The following MBD3 variants were observed in gnomAD, a reference collection of about 807,000 sequenced individuals.
MBD3 encodes the protein methyl-CpG-binding domain protein 3.
In MBD3, 13 loss-of-function variants were observed where a neutral mutation model predicts 31.2. The ratio of observed to expected loss-of-function variants is 0.42; its 90% CI spans 0.27 to 0.66. The LOEUF (loss-of-function observed/expected upper bound fraction) is 0.66, where lower values mean the gene tolerates loss of function less well. Among genes scored for constraint, MBD3 ranks in the 30% least tolerant of loss-of-function variants. The pLI is 0.26. For missense variants in MBD3, 440 were observed against 426.5 expected (o/e 1.03, Z -0.28); for synonymous variants, 223 against 187.4 (o/e 1.19, Z -1.55).
At chr19:1,581,957 C>T (rs1271659136) in intron 4 of MBD3, among the ~76,000 whole-genome samples, 4 of 152,054 alleles carry the variant, frequency 2.6e-5, no homozygotes, top group Non-Finnish European at 5.9e-5. Flanking sequence ...TTAGTAGAGA[C>T]AGGGTTTCAC....
chr19:1,578,377 T>C lies in MBD3; in HGVS notation c.839A>G (p.Glu280Gly). The change falls in exon 6 of 7, where the codon GAG (glutamate) becomes GGG (glycine). Residue 280 changes from glutamate to glycine, a missense_variant. Physicochemically the swap from Glu to Gly is moderately conservative, Grantham distance 98. This residue lies in a region of MBD3 where 117 missense variants were observed against 95.0 expected (regional missense o/e 1.23). Coordinates refer to ENST00000434436, the MANE Select transcript of MBD3 (RefSeq NM_001281453.2). The surrounding 1 kb of genome is among the most constrained non-coding windows in gnomAD (Gnocchi z 6.1). ...CATCTCCGGGTCCGGGTCGGGCTCC[T>C]CCTCCTCCTCCTCCTCGTCTTCCTC... is the stretch of plus-strand genomic sequence containing the variant. ...DDEEDEEEEE[E>G]EPDPDPEMEH... 1.9e-6 allele frequency: 3 copies of C among 1,599,846 alleles called. No homozygotes were observed. Among genetic ancestry groups the C allele is most frequent in the Non-Finnish European group, 2.5e-6 (3 of 1,176,928 alleles).
In MBD3 at chr19:1,575,482, T is replaced by C. The variant is rs1446812100; in HGVS notation, c.*2682A>G. 3.3e-6 allele frequency: 1 copy of C among 298,944 alleles called. No homozygotes were observed. The highest frequency in any genetic ancestry group is 6.7e-6 in the Non-Finnish European group (1 of 149,284). The allele number at this position is 298,944 out of a possible 1,614,324, so 18.5% of individuals were successfully genotyped here. A position where few individuals can be genotyped will look rare whatever the true frequency, so the allele number is the denominator to read the frequency against. Reference sequence around the variant, plus strand: ...GGGGCTGGGGGCAGCCAAGTGGCCTTTGAGGATGGGGCCAGGCACCGCACA... The same window carrying C: ...GGGGCTGGGGGCAGCCAAGTGGCCTCTGAGGATGGGGCCAGGCACCGCACA... On this transcript the variant is annotated 3_prime_UTR_variant, in exon 7 of 7. Transcript: ENST00000434436.
intron 3 of MBD3, chr19:1,583,472 A>G (rs978043073): frequency 1.3e-5 from 2 of 152,026 alleles, no homozygotes; most frequent in African/African-American, 2.4e-5. Flanking sequence ...ACAGTCACAT[A>G]TGGGCAGTCA....
Position 1,578,338 on chromosome 19 carries a change from C to G in MBD3, c.*2G>C, listed in dbSNP as rs768982789. 3 of 1,602,876 alleles carry G rather than the reference C, an allele frequency of 1.9e-6. No individual in the cohort carries two copies. In the South Asian group the frequency reaches 3.3e-5, roughly 18 times the overall value. ...AGCCCCCGTGGCCCCGCAGCACCTG[C>G]CCTAGACGTGCTCCATCTCCGGGTC... On this transcript the variant is annotated 3_prime_UTR_variant, in exon 6 of 7. Coordinates refer to ENST00000434436, the MANE Select transcript of MBD3 (RefSeq NM_001281453.2). This position sits in a 1 kb window ranked among gnomAD's most constrained non-coding sequence, Gnocchi z 6.1.
intron 2 of MBD3, 127 bp from the exon 3 acceptor site, chr19:1,584,804 C>CGTGGGGGTCCTGG: frequency 9.2e-7 from 1 of 1,084,674 alleles, no homozygotes; most frequent in Non-Finnish European, 1.2e-6. Context: ...CCGCCAGGAC[C>CGTGGGGGTCCTGG]CCCACGGTCC....
intron 3 of MBD3, among the ~76,000 whole-genome samples, chr19:1,584,314 TCAAG>T (rs2060667124): frequency 1.3e-5 from 2 of 152,034 alleles, no homozygotes; most frequent in South Asian, 4.1e-4. Context: ...CCTCCTGGGC[TCAAG>T]CAATCCTCCC....
In MBD3 at chr19:1,585,444, C is replaced by G; in HGVS notation, c.111-230G>C. 1 of 550,500 alleles carries G rather than the reference C, an allele frequency of 1.8e-6. No homozygotes were observed. The highest frequency in any genetic ancestry group is 3.3e-6 in the Non-Finnish European group (1 of 305,642). The allele number at this position is 550,500 out of a possible 1,614,324, so 34.1% of individuals were successfully genotyped here. On this transcript the variant is annotated intron_variant, in intron 1 of 6. Coordinates refer to ENST00000434436, the MANE Select transcript of MBD3 (RefSeq NM_001281453.2). The surrounding 1 kb of genome is among the most constrained non-coding windows in gnomAD (Gnocchi z 4.1). ...CAGACCCCAGCACCCCACAACTGGC[C>G]CCTAGATCTGGGCGCCAGCCAGACC...
intron 4 of MBD3, among the ~76,000 whole-genome samples, chr19:1,581,981 A>G (rs1371076641): frequency 6.6e-6 from 1 of 151,978 alleles, no homozygotes; most frequent in Non-Finnish European, 1.5e-5. Context: ...GTTAGCCAGG[A>G]TGATCTCGAT....
In MBD3 at chr19:1,584,606, C is replaced by G; in HGVS notation, c.342G>C (p.Lys114Asn). The part of the protein sequence containing the change: ...TASIFKQPVT[K>N]ITNHPSNKVK... ...CCTTGTTGCTGGGGTGGTTGGTAAT[C>G]TTGGTCACCGGCTGCTTGAAGATGG... is the stretch of plus-strand genomic sequence containing the variant. Residue 114 changes from lysine (K) to asparagine (N), a missense_variant, in exon 3 of 7, where the codon AAG becomes AAC. This residue lies in a region of MBD3 where 144 missense variants were observed against 196.9 expected (regional missense o/e 0.73). Coordinates refer to ENST00000434436, the MANE Select transcript of MBD3 (RefSeq NM_001281453.2). 1 of 1,613,962 alleles carries G rather than the reference C, an allele frequency of 6.2e-7. No individual in the cohort carries two copies. The highest frequency in any genetic ancestry group is 8.5e-7 in the Non-Finnish European group (1 of 1,179,956).
At chr19:1,588,508 G>A (rs538126517) in intron 1 of MBD3, among the ~76,000 whole-genome samples, 11 of 152,092 alleles carry the variant, frequency 7.2e-5, no homozygotes, top group African/African-American at 1.7e-4. Context: ...AAGGCCGGGC[G>A]CGGTGGCTCA....
chr19:1,588,597 C>A (rs2145608331), intron 1 of MBD3, among the ~76,000 whole-genome samples: 2 of 151,734 alleles, frequency 1.3e-5, no homozygotes, highest in Middle Eastern at 6.8e-3. Context: ...GCCTGGGCAA[C>A]ATGGTGAAAC....
chr19:1,581,695 T>C (rs1048676148), intron 4 of MBD3: 5 of 309,380 alleles, frequency 1.6e-5, no homozygotes, highest in Non-Finnish European at 3.1e-5. Context: ...CTGTGAGTAG[T>C]AACGGCGCCA....
rs761597941 is a variant in MBD3, at chr19:1,578,423, C to T, written c.793G>A (p.Ala265Thr). ...ARDGEAPLDK[A>T]CAEDDDEEDE... is the part of the protein sequence containing the mutation. ...TCCTCGTCGTCGTCCTCAGCGCAGG[C>T]CTTGTCCAGCGGCGCCTCCCCGTCA... The change falls in exon 6 of 7, where the codon GCC becomes ACC. Residue 265 changes from alanine to threonine, a missense_variant. Transcript: ENST00000434436. This position sits in a 1 kb window ranked among gnomAD's most constrained non-coding sequence, Gnocchi z 6.1. 5.6e-6 allele frequency: 9 copies of T among 1,605,592 alleles called. No homozygotes were observed. The South Asian group carries it at 8.8e-5, about 16-fold the overall frequency.
chr19:1,589,826 C>T (rs2060695706), intron 1 of MBD3, among the ~76,000 whole-genome samples: 2 of 151,770 alleles, frequency 1.3e-5, no homozygotes, highest in African/African-American at 4.8e-5. Context: ...AGAACAAGAC[C>T]CTGTCTCACA....
chr19:1,591,212 G>C (rs1194593045), intron 1 of MBD3, among the ~76,000 whole-genome samples: 1 of 152,230 alleles, frequency 6.6e-6, no homozygotes, highest in African/African-American at 2.4e-5. Context: ...TGTCACTGCA[G>C]ATCTCAGGAC....
intron 3 of MBD3, among the ~76,000 whole-genome samples, chr19:1,583,075 G>T (rs2060660529): frequency 1.3e-5 from 2 of 151,838 alleles, no homozygotes; most frequent in Admixed American, 1.3e-4. Flanking sequence ...GTGGTGACGG[G>T]CGCCTGTAAT....
In MBD3 at chr19:1,585,755, C is replaced by G. The variant is rs1269953425; in HGVS notation, c.111-541G>C. 2 of 161,366 alleles carry G rather than the reference C, an allele frequency of 1.2e-5. No homozygotes were observed. Among genetic ancestry groups the G allele is most frequent in the African/African-American group, 4.8e-5 (2 of 41,496 alleles). The allele number at this position is 161,366 out of a possible 1,614,324, so 10.0% of individuals were successfully genotyped here. A position where few individuals can be genotyped will look rare whatever the true frequency, so the allele number is the denominator to read the frequency against. ...GAGAACAGGTATGTGAGGGACAGCC[C>G]TAAAAGCAATCTTCTTCCACCTTGG... On this transcript the variant is annotated intron_variant, in intron 1 of 6. Coordinates refer to ENST00000434436, the MANE Select transcript of MBD3 (RefSeq NM_001281453.2). The surrounding 1 kb of genome is among the most constrained non-coding windows in gnomAD (Gnocchi z 4.1).
intron 5 of MBD3, among the ~76,000 whole-genome samples, chr19:1,580,010 G>A (rs1245568290): frequency 1.3e-5 from 2 of 152,144 alleles, no homozygotes; most frequent in African/African-American, 2.4e-5. Context: ...CTCCCGCCTC[G>A]GCCTCCCAAA....
Position 1,585,566 on chromosome 19 carries a change from TCCCCA to T in MBD3, c.111-357_111-353del. On this transcript the variant is annotated intron_variant, in intron 1 of 6. Coordinates refer to ENST00000434436, the MANE Select transcript of MBD3 (RefSeq NM_001281453.2). This position sits in a 1 kb window ranked among gnomAD's most constrained non-coding sequence, Gnocchi z 4.1. ...CCCAACCCCGGTCCCCTCTGAATCC[TCCCCA>T]CCGTAGGCCCTGGCAGCGTCAGGCA... The T allele has an allele frequency of 3.4e-6, 1 of 291,086 alleles. No individual in the cohort carries two copies. Among genetic ancestry groups the T allele is most frequent in the South Asian group, 3.9e-5 (1 of 25,544 alleles). 18.0% of individuals were successfully genotyped at this position (291,086 alleles called of 1,614,324 possible). A position where few individuals can be genotyped will look rare whatever the true frequency, so the allele number is the denominator to read the frequency against.
Sources: gnomAD v4.1 joint callset for allele counts (sites outside exome capture counted in the v4.1 genomes callset) on GRCh38, gnomAD v4.1.1 for gene constraint, gnomAD v4.1.1 regional missense constraint, Gnocchi (gnomAD v3.1) non-coding constraint, MANE v1.5 for transcripts, NCBI Gene and HGNC (gene_info 2026-07-23, HGNC 2026-07-21) for gene names.